Variants in NTRK2 observed in about 807,000 individuals in gnomAD.
The protein encoded by NTRK2 is neurotrophic receptor tyrosine kinase 2.
In NTRK2, 13 loss-of-function variants were observed where a neutral mutation model predicts 94.5. The ratio of observed to expected loss-of-function variants is 0.14; its 90% confidence interval spans 0.09 to 0.22. The LOEUF is 0.22. Among genes scored for constraint, NTRK2 ranks in the 10% least tolerant of loss-of-function variants. The pLI, the probability that NTRK2 is intolerant of heterozygous loss-of-function variation, is 1.00. For missense variants in NTRK2, 639 were observed against 1,071.2 expected, an observed-to-expected ratio of 0.60 and a Z score of 5.63; for synonymous variants, 372 against 407.4, an observed-to-expected ratio of 0.91 and a Z score of 1.05.
chr9:84,998,886 A>G (rs1052210669), intron 17 of NTRK2, among the ~76,000 whole-genome samples: 1 of 152,192 alleles, frequency 6.6e-6, no homozygotes, highest in African/African-American at 2.4e-5. Context: ...TGAAGTACCA[A>G]TGTGTGAAAG....
In NTRK2 at chr9:84,727,904, G is replaced by A. The variant is rs1354586030; in HGVS notation, c.1104G>A (p.Gly368=). 38 of 1,614,090 alleles carry A rather than the reference G, an allele frequency of 2.4e-5. No homozygotes were observed. In the East Asian group the frequency reaches 8.0e-4, roughly 34 times the overall value. ...DYTLIAKNEY[G]KDEKQISAHF... ...CTCTAATAGCCAAGAATGAGTATGG[G>A]AAGGATGAGAAACAGATTTCTGCTC... The change falls in exon 9 of 19, where the codon GGG becomes GGA. Residue 368 remains glycine (G), a synonymous_variant. Coordinates refer to ENST00000277120, the MANE Select transcript of NTRK2 (RefSeq NM_006180.6).
At chr9:84,787,980 A>G (rs995038982) in intron 12 of NTRK2, among the ~76,000 whole-genome samples, 13 of 152,202 alleles carry the variant, frequency 8.5e-5, no homozygotes, top group Admixed American at 5.9e-4. Context: ...AAAGGGCATA[A>G]TCACAATGCT....
chr9:84,797,870 T>C (rs951032069), intron 12 of NTRK2, among the ~76,000 whole-genome samples: 8 of 114,612 alleles, frequency 7.0e-5, no homozygotes, highest in South Asian at 4.8e-4. Flanking sequence ...TATAATAATA[T>C]ATATAATATA....
intron 14 of NTRK2, among the ~76,000 whole-genome samples, chr9:84,880,573 A>G (rs1251522146): frequency 6.6e-6 from 1 of 152,214 alleles, no homozygotes; most frequent in Non-Finnish European, 1.5e-5. Flanking sequence ...GAGCCGTTTT[A>G]AAAACAAGAG....
At chr9:84,731,981 G>C (rs576782011) in intron 9 of NTRK2, among the ~76,000 whole-genome samples, 1 of 152,308 alleles carries the variant, frequency 6.6e-6, no homozygotes, top group African/African-American at 2.4e-5. Flanking sequence ...AGCCTGGCTA[G>C]TAACTGAGAA....
intron 17 of NTRK2, among the ~76,000 whole-genome samples, chr9:84,970,740 C>G (rs1826096538): frequency 6.6e-6 from 1 of 152,226 alleles, no homozygotes; most frequent in African/African-American, 2.4e-5. Context: ...ATCCCCCATC[C>G]TATCCAGCAA....
At chr9:84,693,247 A>C (rs1206311183) in intron 2 of NTRK2, among the ~76,000 whole-genome samples, 1 of 152,194 alleles carries the variant, frequency 6.6e-6, no homozygotes, top group Non-Finnish European at 1.5e-5. Context: ...CCATCATGCT[A>C]CTTGTAGACT....
At chr9:84,812,948 T>A in intron 12 of NTRK2, 1 of 1,033,050 alleles carries the variant, frequency 9.7e-7, no homozygotes, top group South Asian at 4.6e-5. Context: ...GTTCTCGTGT[T>A]CTTTTCTTTT....
intron 16 of NTRK2, among the ~76,000 whole-genome samples, 194 bp downstream of exon 16, chr9:84,948,828 T>C (rs2078684370): frequency 6.6e-6 from 1 of 152,328 alleles, no homozygotes; most frequent in Middle Eastern, 3.4e-3. Flanking sequence ...CCTTAATGAA[T>C]TCTATGTAAT....
rs4877291 is a variant in NTRK2, at chr9:84,920,002, C to T, written c.1634-14160C>T. On this transcript the variant is annotated intron_variant, in intron 14 of 18. Transcript: ENST00000277120. Reference sequence around the variant, plus strand: ...TGAAGCTTCCATTCTGCCTCTTATTCCTTGCCTGAAAATTGTGGTCATTTT... The same window carrying T: ...TGAAGCTTCCATTCTGCCTCTTATTTCTTGCCTGAAAATTGTGGTCATTTT... 9.9e-3 allele frequency among the ~76,000 whole-genome samples: 1,509 copies of T among 152,256 alleles called. 15 individuals carry two copies. Among genetic ancestry groups the T allele is most frequent in the Admixed American group, 0.019 (288 of 15,296 alleles).
chr9:84,793,810 A>T (rs1386664789), intron 12 of NTRK2, among the ~76,000 whole-genome samples: 1 of 152,214 alleles, frequency 6.6e-6, no homozygotes, highest in Non-Finnish European at 1.5e-5. Context: ...CATGGGCCAA[A>T]TATAGTTCTA....
At chr9:84,878,685 A>G (rs78533173) in intron 14 of NTRK2, among the ~76,000 whole-genome samples, 7,699 of 152,080 alleles carry the variant, frequency 0.051, 443 homozygotes, top group East Asian at 0.18. Context: ...TTTGCATTCA[A>G]TTTTATCAAG....
intron 12 of NTRK2, among the ~76,000 whole-genome samples, chr9:84,791,970 C>T (rs1476226465): frequency 6.6e-6 from 1 of 152,130 alleles, no homozygotes; most frequent in Non-Finnish European, 1.5e-5. Context: ...GAGGGGGAGT[C>T]TCTTTGTCCT....
chr9:84,910,720 TC>T (rs1424773154), intron 14 of NTRK2, among the ~76,000 whole-genome samples: 1 of 152,238 alleles, frequency 6.6e-6, no homozygotes, highest in Non-Finnish European at 1.5e-5. Flanking sequence ...GGTTCTCTCT[TC>T]TGTTCTATTG....
chr9:84,878,649 A>AAT (rs57543946), intron 14 of NTRK2, among the ~76,000 whole-genome samples: 1 of 151,464 alleles, frequency 6.6e-6, no homozygotes, highest in East Asian at 1.9e-4. Flanking sequence ...AAAAAAAAAA[A>AAT]TTCTGATATT....
At chr9:84,707,943 A>T in intron 5 of NTRK2, 31 bp downstream of exon 5, 1 of 1,567,728 alleles carries the variant, frequency 6.4e-7, no homozygotes, top group Non-Finnish European at 8.8e-7. Context: ...GCATTTGGGG[A>T]AATGTTTTCA....
In NTRK2 at chr9:84,749,758, A is replaced by C. The variant is rs990409049; in HGVS notation, c.1297-2228A>C. On this transcript the variant is annotated intron_variant, in intron 11 of 18. Coordinates refer to ENST00000277120, the MANE Select transcript of NTRK2 (RefSeq NM_006180.6). ...GAAGATTATGAGATGCAGAGAGGTT[A>C]AGTAATTCTGAAGTCATGCAGCAGA... Among the ~76,000 whole-genome samples, 8 of 152,204 alleles carry C rather than the reference A, an allele frequency of 5.3e-5. No homozygotes were observed. In the East Asian group the frequency reaches 1.5e-3, roughly 29 times the overall value.
rs2066415222 is a variant in NTRK2 at position 84,770,195 on chromosome 9, A to ACAC, written c.1396+18110_1396+18111insCAC. Among the ~76,000 whole-genome samples, 321 of 95,098 alleles carry ACAC rather than the reference A, an allele frequency of 3.4e-3. 1 individual carries two copies. The highest frequency in any genetic ancestry group is 0.013 in the African/African-American group (291 of 21,678). 62.4% of individuals were successfully genotyped at this position (95,098 alleles called of 152,430 possible). A position where few individuals can be genotyped will look rare whatever the true frequency, so the allele number is the denominator to read the frequency against. On this transcript the variant is annotated intron_variant, in intron 12 of 18. Coordinates refer to ENST00000277120, the MANE Select transcript of NTRK2 (RefSeq NM_006180.6). ...ACACACACACACACACACACACACA[A>ACAC]ACACACAGCTGGAAGCAGCTGGGAG...
At chr9:84,998,938 C>A (rs1830052826) in intron 17 of NTRK2, among the ~76,000 whole-genome samples, 1 of 152,146 alleles carries the variant, frequency 6.6e-6, no homozygotes, top group African/African-American at 2.4e-5. Context: ...AGGTTGTCAG[C>A]CTCTTCTTTG....
Sources: allele counts gnomAD v4.1 joint callset (sites outside exome capture counted in the v4.1 genomes callset), GRCh38; gene constraint gnomAD v4.1.1; transcripts MANE v1.5; gene names NCBI Gene and HGNC (gene_info 2026-07-23, HGNC 2026-07-21).